INPP5F: variants seen among roughly 807,000 people sequenced by gnomAD.
INPP5F encodes phosphatidylinositide 4-phosphatase SAC2.
A neutral mutation model predicts 137.2 loss-of-function variants in INPP5F; 97 were observed. The ratio of observed to expected loss-of-function variants is 0.71; its 90% CI spans 0.60 to 0.84. The LOEUF (loss-of-function observed/expected upper bound fraction) is 0.84. Ranked by LOEUF, INPP5F falls within the 40% of genes least tolerant of loss-of-function variation. INPP5F has a pLI of 0.00. For synonymous variants in INPP5F, 504 were observed against 476.9 expected (o/e 1.06, Z -0.74); for missense variants, 1,271 against 1,371.9 (o/e 0.93, Z 1.16).
At chr10:119,814,644 T>A (rs1319075625) in intron 15 of INPP5F, 1 of 152,236 alleles carries the variant, frequency 6.6e-6, no homozygotes, top group African/African-American at 2.4e-5. Context: ...CAGTGCGTTA[T>A]CAGGTTTTCA....
intron 9 of INPP5F, among the ~76,000 whole-genome samples, chr10:119,799,696 C>T (rs1306629768): frequency 1.3e-5 from 2 of 152,192 alleles, no homozygotes; most frequent in Non-Finnish European, 2.9e-5. Context: ...CATACTTATA[C>T]TGCTTAGCCC....
intron 19 of INPP5F, 45 bp from the exon 20 acceptor site, chr10:119,826,586 T>C (rs1851768519): frequency 7.7e-6 from 11 of 1,423,680 alleles, no homozygotes; most frequent in South Asian, 2.7e-5. Flanking sequence ...AACTGGCATA[T>C]TGGATTCCAT....
rs1851792016 is a variant in INPP5F at position 119,827,075 on chromosome 10, GCCT to G, written c.2696_2698del (p.Pro899del). 1 of 1,613,974 alleles carries G rather than the reference GCCT, an allele frequency of 6.2e-7. No homozygotes were observed. The highest frequency in any genetic ancestry group is 8.5e-7 in the Non-Finnish European group (1 of 1,180,026). The stretch of plus-strand genomic sequence containing the variant: ...CTAGTTGTGGTATTATTGCCTCAGC[GCCT>G]CGATTGGGCAGTCGGTCCCAGTCTC... On this transcript the variant is annotated inframe_deletion, in exon 20 of 20. Coordinates refer to ENST00000650623, the MANE Select transcript of INPP5F (RefSeq NM_014937.4).
At chr10:119,767,838 G>T (rs1849221822) in intron 2 of INPP5F, among the ~76,000 whole-genome samples, 1 of 152,172 alleles carries the variant, frequency 6.6e-6, no homozygotes, top group Non-Finnish European at 1.5e-5. Flanking sequence ...TCACCAGAAA[G>T]AATAGTTTGA....
At chr10:119,794,433 AC>A (rs1439265281) in intron 6 of INPP5F, among the ~76,000 whole-genome samples, 166 of 152,196 alleles carry the variant, frequency 1.1e-3, no homozygotes, top group African/African-American at 3.9e-3. Context: ...CTACACAGAC[AC>A]GGCAACCATC....
chr10:119,750,002 C>G (rs149110761), intron 1 of INPP5F, among the ~76,000 whole-genome samples: 3 of 152,090 alleles, frequency 2.0e-5, no homozygotes, highest in Non-Finnish European at 4.4e-5. Flanking sequence ...CTCCTGACCT[C>G]AGGCGATCTA....
intron 9 of INPP5F, 86 bp from the exon 10 acceptor site, chr10:119,804,087 C>A: frequency 1.1e-6 from 1 of 931,112 alleles, no homozygotes; most frequent in Non-Finnish European, 1.6e-6. Flanking sequence ...AAAAACCACA[C>A]TGTGATTCTA....
rs1554889600 is a variant in INPP5F, at chr10:119,785,302, T to TTTTTTTTTTTG, written c.315+3531_315+3532insTTTTTTTTTTG. 7.6e-4 allele frequency among the ~76,000 whole-genome samples: 112 copies of TTTTTTTTTTTG among 147,694 alleles called. 2 individuals are homozygous for TTTTTTTTTTTG. The highest frequency in any genetic ancestry group is 2.2e-3 in the African/African-American group (89 of 39,676). On this transcript the variant is annotated intron_variant, in intron 3 of 19. Coordinates refer to ENST00000650623, the MANE Select transcript of INPP5F (RefSeq NM_014937.4). ...TGCCAGACTGTTTTTTTTTTTTTTT[T>TTTTTTTTTTTG]GGAGACGGAGCCTCGCTCTGTCGCC... is the stretch of plus-strand genomic sequence containing the variant.
chr10:119,822,375 A>C lies in INPP5F; in HGVS notation c.1959-56A>C, dbSNP rs141647817. On this transcript the variant is annotated intron_variant, in intron 16 of 19. Transcript: ENST00000650623. ...TTGCAGCTATTATGCCTTCCCTGAC[A>C]AGCCAAATATGCTTTTGATTTAAAT... 1.3e-3 allele frequency: 1,269 copies of C among 955,664 alleles called. 8 individuals carry two copies. In the African/African-American group the frequency reaches 0.016, roughly 12 times the overall value. 59.2% of individuals were successfully genotyped at this position (955,664 alleles called of 1,614,324 possible).
At chr10:119,734,264 T>A (rs1226847599) in intron 1 of INPP5F, among the ~76,000 whole-genome samples, 2 of 152,352 alleles carry the variant, frequency 1.3e-5, no homozygotes, top group East Asian at 3.9e-4. Context: ...TTTATTCATG[T>A]ATTTGCAGAT....
intron 2 of INPP5F, among the ~76,000 whole-genome samples, chr10:119,779,953 T>C (rs1250005378): frequency 6.6e-6 from 1 of 152,164 alleles, no homozygotes; most frequent in African/African-American, 2.4e-5. Context: ...AGCAAATATG[T>C]AAACCAGTAA....
At chr10:119,737,029 A>G (rs938574983) in intron 1 of INPP5F, among the ~76,000 whole-genome samples, 3 of 151,890 alleles carry the variant, frequency 2.0e-5, no homozygotes, top group African/African-American at 7.3e-5. Flanking sequence ...GAGTCTTGCT[A>G]TGTTGTCCAG....
In INPP5F at chr10:119,827,932, C is replaced by T; in HGVS notation, c.*152C>T. 1 of 621,558 alleles carries T rather than the reference C, an allele frequency of 1.6e-6. No individual in the cohort carries two copies. Among genetic ancestry groups the T allele is most frequent in the Non-Finnish European group, 2.8e-6 (1 of 362,984 alleles). The allele number at this position is 621,558 out of a possible 1,614,324, so 38.5% of individuals were successfully genotyped here. A position where few individuals can be genotyped will look rare whatever the true frequency, so the allele number is the denominator to read the frequency against. On this transcript the variant is annotated 3_prime_UTR_variant, in exon 20 of 20. Transcript: ENST00000650623. Reference sequence around the variant, plus strand: ...ACGGAGTCGGAACCTGAGTAGATTTCCAAATTTTACAGCCAGGACTACAGA... The same window carrying T: ...ACGGAGTCGGAACCTGAGTAGATTTTCAAATTTTACAGCCAGGACTACAGA...
At chr10:119,765,546 ATTTT>A (rs36034689) in intron 2 of INPP5F, among the ~76,000 whole-genome samples, 1 of 129,820 alleles carries the variant, frequency 7.7e-6, no homozygotes. Flanking sequence ...TAATTTTTGT[ATTTT>A]TTTTTTTTTT....
chr10:119,766,279 A>G (rs1849162718), intron 2 of INPP5F, among the ~76,000 whole-genome samples: 1 of 152,160 alleles, frequency 6.6e-6, no homozygotes, highest in Non-Finnish European at 1.5e-5. Flanking sequence ...TCAAATGCAA[A>G]TCTCTTCTGG....
At chr10:119,763,758 C>T (rs955328712) in intron 2 of INPP5F, among the ~76,000 whole-genome samples, 6 of 152,092 alleles carry the variant, frequency 3.9e-5, no homozygotes, top group African/African-American at 1.5e-4. Flanking sequence ...CTTAACAACT[C>T]TGTCTTTAAG....
At position 119,813,829 on chromosome 10, in the gene INPP5F, T is replaced by TCTTC. The variant is rs1243849511; in HGVS notation, c.1886+1877_1886+1878insCCTT. ...CTGGGCAATGTAGTGAGACACTGTCTCTTAAAAAAAGTCACCATTGGGTGA... is the reference window on the plus strand; with the variant it reads ...CTGGGCAATGTAGTGAGACACTGTCTCTTCCTTAAAAAAAGTCACCATTGGGTGA... On this transcript the variant is annotated intron_variant, in intron 15 of 19. Coordinates refer to ENST00000650623, the MANE Select transcript of INPP5F (RefSeq NM_014937.4). Among the ~76,000 whole-genome samples the TCTTC allele has an allele frequency of 5.3e-5, 8 of 152,280 alleles. No individual in the cohort carries two copies. In the South Asian group the frequency reaches 1.0e-3, roughly 20 times the overall value.
At chr10:119,767,128 A>AAAAAAC (rs1849196431) in intron 2 of INPP5F, among the ~76,000 whole-genome samples, 1 of 150,456 alleles carries the variant, frequency 6.6e-6, no homozygotes, top group African/African-American at 2.4e-5. Flanking sequence ...AAAAAAAAAA[A>AAAAAAC]AAAAACCTAG....
At chr10:119,732,488 T>G (rs1203662529) in intron 1 of INPP5F, among the ~76,000 whole-genome samples, 2 of 128,914 alleles carry the variant, frequency 1.6e-5, no homozygotes, top group African/African-American at 5.5e-5. Context: ...GCACTTTTCT[T>G]TTTTCTTTTT....
Sources: gnomAD v4.1 joint callset for allele counts (sites outside exome capture counted in the v4.1 genomes callset) on GRCh38, gnomAD v4.1.1 for gene constraint, MANE v1.5 for transcripts, NCBI Gene and HGNC (gene_info 2026-07-23, HGNC 2026-07-21) for gene names.